MCF2L2: variants seen among roughly 807,000 people sequenced by gnomAD.
The protein encoded by MCF2L2 is probable guanine nucleotide exchange factor MCF2L2.
Under a neutral mutation model 150.2 loss-of-function variants are expected in MCF2L2, and 102 were observed. That is an observed-to-expected ratio of 0.68 (90% CI 0.58 to 0.80). The LOEUF is 0.80. Among genes scored for constraint, MCF2L2 ranks in the 30% least tolerant of loss-of-function variants. The pLI, the probability that MCF2L2 is intolerant of heterozygous loss-of-function variation, is 0.00. For synonymous variants in MCF2L2, 465 were observed against 491.3 expected (o/e 0.95, Z 0.71); for missense variants, 1,256 against 1,372.8 (o/e 0.91, Z 1.34).
intron 6 of MCF2L2, among the ~76,000 whole-genome samples, 195 bp from the exon 7 acceptor site, chr3:183,318,412 C>T (rs536120386): frequency 1.3e-5 from 2 of 152,196 alleles, no homozygotes; most frequent in South Asian, 4.1e-4. Context: ...ACTAGTTGAC[C>T]AAATGACTTT....
intron 22 of MCF2L2, among the ~76,000 whole-genome samples, chr3:183,213,105 TTACAA>T (rs1308244334): frequency 6.6e-6 from 1 of 152,044 alleles, no homozygotes; most frequent in Non-Finnish European, 1.5e-5. Flanking sequence ...CACAATGAAC[TTACAA>T]TACAAGTACA....
intron 10 of MCF2L2, among the ~76,000 whole-genome samples, chr3:183,309,336 C>T (rs1188677655): frequency 1.3e-5 from 2 of 152,060 alleles, no homozygotes; most frequent in African/African-American, 4.8e-5. Context: ...CCCCAGCCCC[C>T]TAGTCCAGGC....
intron 14 of MCF2L2, among the ~76,000 whole-genome samples, chr3:183,285,732 T>G (rs1727753294): frequency 6.6e-6 from 1 of 152,226 alleles, no homozygotes; most frequent in East Asian, 1.9e-4. Context: ...TTTTTCTTTT[T>G]TTTCATCTTC....
intron 13 of MCF2L2, among the ~76,000 whole-genome samples, chr3:183,292,556 T>TACACACACACACACAC (rs58788215): frequency 3.4e-5 from 5 of 145,574 alleles, no homozygotes; most frequent in African/African-American, 7.5e-5. Flanking sequence ...AGGGGGTATG[T>TACACACACACACACAC]ACACACACAC....
At chr3:183,262,545 C>T (rs2081791304) in intron 15 of MCF2L2, among the ~76,000 whole-genome samples, 1 of 152,026 alleles carries the variant, frequency 6.6e-6, no homozygotes, top group Non-Finnish European at 1.5e-5. Context: ...ATAAGTGGCT[C>T]CCTTGTCTCC....
chr3:183,220,626 T>C (rs1459494120), intron 20 of MCF2L2, among the ~76,000 whole-genome samples: 1 of 152,212 alleles, frequency 6.6e-6, no homozygotes, highest in Non-Finnish European at 1.5e-5. Context: ...AGAAGGACTG[T>C]CTTCCTGCCA....
At chr3:183,263,800 T>C (rs1725841123) in intron 15 of MCF2L2, among the ~76,000 whole-genome samples, 1 of 152,192 alleles carries the variant, frequency 6.6e-6, no homozygotes, top group African/African-American at 2.4e-5. Context: ...CCCTTGTTGG[T>C]AATGCTTGAA....
chr3:183,328,425 C>A lies in MCF2L2; in HGVS notation c.487-5074G>T, dbSNP rs140100684. Among the ~76,000 whole-genome samples the A allele has an allele frequency of 9.2e-5, 14 of 151,972 alleles. No homozygotes were observed. The East Asian group carries it at 2.5e-3, about 27-fold the overall frequency. Reference sequence around the variant, plus strand: ...GTGGGGACAGTCTTGAGGGACTGAGCCCTCAACTTGTGGGATCTGATGCTA... The same window carrying A: ...GTGGGGACAGTCTTGAGGGACTGAGACCTCAACTTGTGGGATCTGATGCTA... On this transcript the variant is annotated intron_variant, in intron 5 of 29. Transcript: ENST00000328913.
chr3:183,262,773 G>A (rs1420680474), intron 15 of MCF2L2, among the ~76,000 whole-genome samples: 3 of 152,100 alleles, frequency 2.0e-5, no homozygotes, highest in Non-Finnish European at 4.4e-5. Context: ...AAGAGACTGG[G>A]AAAGGGAGAA....
At chr3:183,412,488 G>A (rs1423880414) in intron 1 of MCF2L2, among the ~76,000 whole-genome samples, 4 of 151,884 alleles carry the variant, frequency 2.6e-5, no homozygotes, top group African/African-American at 2.4e-5. Flanking sequence ...TAGTAGAGGC[G>A]GGGTTTCACC....
intron 5 of MCF2L2, among the ~76,000 whole-genome samples, chr3:183,332,521 G>A (rs1453389427): frequency 1.3e-5 from 2 of 152,136 alleles, no homozygotes; most frequent in Non-Finnish European, 2.9e-5. Flanking sequence ...AAATGTATCT[G>A]TGTACATATG....
At chr3:183,319,054 G>A (rs1729708492) in intron 6 of MCF2L2, among the ~76,000 whole-genome samples, 1 of 152,194 alleles carries the variant, frequency 6.6e-6, no homozygotes, top group South Asian at 2.1e-4. Context: ...TGTAGCATGC[G>A]AAACTGTTTG....
chr3:183,360,973 GAAA>G (rs1229702947), intron 3 of MCF2L2, among the ~76,000 whole-genome samples: 1 of 91,632 alleles, frequency 1.1e-5, no homozygotes, highest in African/African-American at 7.5e-5. Flanking sequence ...GAAAAGAAAA[GAAA>G]AGAAAAGAAA....
Position 183,267,037 on chromosome 3 carries a change from C to T in MCF2L2, c.1862+9835G>A, listed in dbSNP as rs561765074. 1.3e-5 allele frequency among the ~76,000 whole-genome samples: 2 copies of T among 152,270 alleles called. No individual in the cohort carries two copies. Among genetic ancestry groups the T allele is most frequent in the South Asian group, 2.1e-4 (1 of 4,826 alleles). On this transcript the variant is annotated intron_variant, in intron 15 of 29. Coordinates refer to ENST00000328913, the MANE Select transcript of MCF2L2 (RefSeq NM_015078.4). This position sits in a 1 kb window ranked among gnomAD's most constrained non-coding sequence, Gnocchi z 5.5. ...CTGACCTCAAGTGATCCTCCTGCCT[C>T]GGCCTCCCAAAGCGCTAGGATTACA...
At chr3:183,250,454 G>A (rs1294277845) in intron 15 of MCF2L2, among the ~76,000 whole-genome samples, 2 of 152,090 alleles carry the variant, frequency 1.3e-5, no homozygotes, top group African/African-American at 2.4e-5. Context: ...AGGTGTGGTG[G>A]TGCATGACTG....
chr3:183,270,814 C>T lies in MCF2L2; in HGVS notation c.1862+6058G>A. ...GACCTTTGGAAGAATGCTACAGATC[C>T]TAAAGTAAAAACCATTTCCAAAGGT... On this transcript the variant is annotated intron_variant, in intron 15 of 29. Transcript: ENST00000328913. This position sits in a 1 kb window ranked among gnomAD's most constrained non-coding sequence, Gnocchi z 4.5. 1 of 1,613,874 alleles carries T rather than the reference C, an allele frequency of 6.2e-7. No individual in the cohort carries two copies. The highest frequency in any genetic ancestry group is 8.5e-7 in the Non-Finnish European group (1 of 1,179,964).
Position 183,206,217 on chromosome 3 carries a change from A to G in MCF2L2, c.2713-3T>C, listed in dbSNP as rs2108646574. The G allele has an allele frequency of 6.2e-7, 1 of 1,608,790 alleles. No individual in the cohort carries two copies. The highest frequency in any genetic ancestry group is 8.5e-7 in the Non-Finnish European group (1 of 1,175,114). On this transcript the variant is annotated splice_polypyrimidine_tract_variant and splice_region_variant and intron_variant, in intron 23 of 29. Transcript: ENST00000328913. ...TGGCGAATTGAAAGTGTCATCAGCT[A>G]TTATAAAGAGGGAAGAGAAATGTTC...
intron 2 of MCF2L2, among the ~76,000 whole-genome samples, chr3:183,389,278 A>G (rs1466315527): frequency 1.3e-5 from 2 of 152,208 alleles, no homozygotes; most frequent in Non-Finnish European, 2.9e-5. Context: ...AGTAAAAGAC[A>G]ATTCTCCCAG....
At chr3:183,421,370 A>G (rs1715874302) in intron 1 of MCF2L2, among the ~76,000 whole-genome samples, 1 of 152,150 alleles carries the variant, frequency 6.6e-6, no homozygotes, top group Non-Finnish European at 1.5e-5. Context: ...AGATTGCATA[A>G]TCTCTATCAA....
Sources: allele counts gnomAD v4.1 joint callset (sites outside exome capture counted in the v4.1 genomes callset), GRCh38; gene constraint gnomAD v4.1.1; non-coding constraint Gnocchi (gnomAD v3.1); transcripts MANE v1.5; gene names NCBI Gene and HGNC (gene_info 2026-07-23, HGNC 2026-07-21).